Variants in MAST4 observed in about 807,000 individuals in gnomAD.
MAST4 encodes the protein microtubule associated serine/threonine kinase family member 4.
Under a neutral mutation model 162.7 loss-of-function variants are expected in MAST4, and 89 were observed. That is an observed-to-expected ratio of 0.55 (90% CI 0.46 to 0.65). MAST4 has a LOEUF of 0.65. Ranked by LOEUF, MAST4 falls within the 30% of genes least tolerant of loss-of-function variation. The probability of loss-of-function intolerance (pLI) is 0.00; values close to 1 mark genes in which losing one functional copy is unlikely to be tolerated. For missense variants in MAST4, 3,153 were observed against 3,374.0 expected, an observed-to-expected ratio of 0.93 and a Z score of 1.62; for synonymous variants, 1,479 against 1,361.1, an observed-to-expected ratio of 1.09 and a Z score of -1.91.
intron 3 of MAST4, among the ~76,000 whole-genome samples, chr5:66,849,097 T>A (rs2149807247): frequency 6.6e-6 from 1 of 152,300 alleles, no homozygotes; most frequent in African/African-American, 2.4e-5. Flanking sequence ...GTCCTTGCTC[T>A]AGGTTTCCTT....
intron 3 of MAST4, among the ~76,000 whole-genome samples, chr5:66,823,675 T>A (rs1006027725): frequency 2.0e-5 from 3 of 152,152 alleles, no homozygotes; most frequent in African/African-American, 7.2e-5. Context: ...AGATGGGGTT[T>A]CACCATGTTG....
intron 4 of MAST4, among the ~76,000 whole-genome samples, chr5:66,942,796 G>A (rs1743509571): frequency 6.6e-6 from 1 of 152,044 alleles, no homozygotes; most frequent in African/African-American, 2.4e-5. Context: ...TTTGCCTTTG[G>A]AGGTTGACTT....
chr5:66,749,102 C>T (rs1242657039), intron 1 of MAST4, among the ~76,000 whole-genome samples: 2 of 152,180 alleles, frequency 1.3e-5, no homozygotes, highest in Non-Finnish European at 1.5e-5. Flanking sequence ...TAGCAGACAT[C>T]AGGCCAAGGT....
chr5:66,775,701 G>A (rs911754199), intron 2 of MAST4, among the ~76,000 whole-genome samples: 1 of 151,994 alleles, frequency 6.6e-6, no homozygotes, highest in Admixed American at 6.6e-5. Flanking sequence ...TTGAAACCAG[G>A]CAGAATGGGC....
At chr5:66,865,932 G>T (rs1000657459) in intron 3 of MAST4, among the ~76,000 whole-genome samples, 6 of 151,954 alleles carry the variant, frequency 3.9e-5, no homozygotes, top group African/African-American at 1.2e-4. Flanking sequence ...AAAATTAACT[G>T]GGCGTGGTGG....
chr5:66,638,516 A>G (rs1456037580), intron 1 of MAST4, among the ~76,000 whole-genome samples: 1 of 152,246 alleles, frequency 6.6e-6, no homozygotes, highest in Non-Finnish European at 1.5e-5. Flanking sequence ...TTCTATATAC[A>G]TAATGAGATA....
At chr5:67,010,625 T>C (rs1334154608) in intron 4 of MAST4, among the ~76,000 whole-genome samples, 1 of 152,094 alleles carries the variant, frequency 6.6e-6, no homozygotes, top group African/African-American at 2.4e-5. Flanking sequence ...GATACCCCGC[T>C]TAAGGAGTGG....
chr5:66,883,434 T>G (rs1296253484), intron 3 of MAST4, among the ~76,000 whole-genome samples: 12 of 148,996 alleles, frequency 8.1e-5, no homozygotes, highest in Middle Eastern at 3.4e-3. Context: ...TTTTTTTTTT[T>G]TTTTTTTTTT....
chr5:66,722,453 G>GT (rs56786188), intron 1 of MAST4, among the ~76,000 whole-genome samples: 4,027 of 141,792 alleles, frequency 0.028, 106 homozygotes, highest in East Asian at 0.099. Flanking sequence ...CTGGTTCTGG[G>GT]TTTTTTTTTT....
chr5:66,661,508 T>C (rs1218146299), intron 1 of MAST4, among the ~76,000 whole-genome samples: 1 of 152,214 alleles, frequency 6.6e-6, no homozygotes, highest in African/African-American at 2.4e-5. Flanking sequence ...CTTTAGTTTT[T>C]GCCAGGCAAG....
chr5:67,028,881 C>T (rs1205099184), intron 4 of MAST4, among the ~76,000 whole-genome samples: 2 of 152,200 alleles, frequency 1.3e-5, no homozygotes, highest in East Asian at 1.9e-4. Flanking sequence ...GTAATCCCAG[C>T]ACATTAGGAG....
At chr5:67,140,351 A>T (rs1294487915) in intron 19 of MAST4, among the ~76,000 whole-genome samples, 1 of 152,200 alleles carries the variant, frequency 6.6e-6, no homozygotes, top group Non-Finnish European at 1.5e-5. Context: ...AGAAAATAAG[A>T]TGGGCAGTTG....
intron 4 of MAST4, among the ~76,000 whole-genome samples, chr5:66,980,981 T>G (rs887816872): frequency 6.6e-6 from 1 of 151,986 alleles, no homozygotes; most frequent in Non-Finnish European, 1.5e-5. Context: ...ATCAGGACAT[T>G]TTTTTTTCTC....
Position 66,893,545 on chromosome 5 carries a change from A to G in MAST4, c.643-6406A>G, listed in dbSNP as rs1762495616. Among the ~76,000 whole-genome samples the G allele has an allele frequency of 3.3e-5, 5 of 152,196 alleles. No individual in the cohort carries two copies. The South Asian group carries it at 1.0e-3, about 32-fold the overall frequency. On this transcript the variant is annotated intron_variant, in intron 3 of 28. Coordinates refer to ENST00000403625, the MANE Select transcript of MAST4 (RefSeq NM_001164664.2). ...GTGCCTGGCTGGTTTATTTTGCTTA[A>G]CTTGACTAGCACAAATAAATATATG...
intron 6 of MAST4, among the ~76,000 whole-genome samples, chr5:67,095,300 C>G (rs569078759): frequency 6.6e-6 from 1 of 152,266 alleles, no homozygotes; most frequent in East Asian, 1.9e-4. Context: ...TCATTTGAAT[C>G]TGCTGAGTCT....
intron 4 of MAST4, among the ~76,000 whole-genome samples, chr5:66,995,553 C>T (rs569135929): frequency 1.3e-5 from 2 of 152,278 alleles, no homozygotes; most frequent in South Asian, 4.1e-4. Context: ...TCGGCACCCG[C>T]CACCATACCC....
At chr5:67,061,531 TAGA>T (rs1458854095) in intron 5 of MAST4, among the ~76,000 whole-genome samples, 1 of 151,930 alleles carries the variant, frequency 6.6e-6, no homozygotes, top group African/African-American at 2.4e-5. Context: ...TTTTTACTAA[TAGA>T]AGTTATTATT....
At chr5:67,100,298 T>G in intron 7 of MAST4, 137 bp from the exon 8 acceptor site, 1 of 792,478 alleles carries the variant, frequency 1.3e-6, no homozygotes, top group South Asian at 2.0e-5. Flanking sequence ...ATTTAGGCAG[T>G]CGTTCTTATA....
intron 1 of MAST4, 44 bp downstream of exon 1, chr5:66,597,062 G>A (rs749829119): frequency 2.2e-6 from 3 of 1,372,868 alleles, no homozygotes; most frequent in Non-Finnish European, 2.8e-6. Flanking sequence ...CCGGCAGCCG[G>A]GCGACCGTAG....
Sources: allele counts gnomAD v4.1 joint callset (sites outside exome capture counted in the v4.1 genomes callset), GRCh38; gene constraint gnomAD v4.1.1; transcripts MANE v1.5; gene names NCBI Gene and HGNC (gene_info 2026-07-23, HGNC 2026-07-21).